Variants in RANBP10 observed in about 807,000 individuals in gnomAD.
RANBP10 encodes the protein ran-binding protein 10.
RANBP10 carries 24 observed loss-of-function variants against 72.8 expected under a neutral mutation model. That is an observed-to-expected ratio of 0.33 (90% CI 0.24 to 0.46). The LOEUF (loss-of-function observed/expected upper bound fraction) is 0.46, where lower values mean the gene tolerates loss of function less well. Among genes scored for constraint, RANBP10 ranks in the 20% least tolerant of loss-of-function variants. The pLI is 1.00. For synonymous variants in RANBP10, 310 were observed against 322.3 expected, an observed-to-expected ratio of 0.96 and a Z score of 0.41; for missense variants, 679 against 817.5, an observed-to-expected ratio of 0.83 and a Z score of 2.07.
At chr16:67,742,001 G>A (rs1019906581) in intron 4 of RANBP10, among the ~76,000 whole-genome samples, 8 of 151,652 alleles carry the variant, frequency 5.3e-5, no homozygotes, top group Admixed American at 2.0e-4. Flanking sequence ...GCCATATCCC[G>A]TTTTCAGTAA....
intron 6 of RANBP10, among the ~76,000 whole-genome samples, chr16:67,734,198 C>G (rs2053793283): frequency 6.6e-6 from 1 of 152,246 alleles, no homozygotes; most frequent in Admixed American, 6.5e-5. Flanking sequence ...CAGCCCTTCC[C>G]CATGCCCATC....
intron 2 of RANBP10, among the ~76,000 whole-genome samples, chr16:67,797,185 A>G (rs1429813185): frequency 6.6e-6 from 1 of 152,234 alleles, no homozygotes. Context: ...GAAAAGACCA[A>G]AAGTTCCAGA....
intron 3 of RANBP10, among the ~76,000 whole-genome samples, chr16:67,771,717 T>C (rs1317726538): frequency 6.6e-6 from 1 of 152,218 alleles, no homozygotes; most frequent in African/African-American, 2.4e-5. Context: ...AGTACATGCC[T>C]GAGTCTGCTC....
rs144555682 is a variant in RANBP10, at chr16:67,744,909, C to T, written c.401-454G>A. Among the ~76,000 whole-genome samples, 1,453 of 152,230 alleles carry T rather than the reference C, an allele frequency of 9.5e-3. 15 individuals carry two copies. The highest frequency in any genetic ancestry group is 0.014 in the Middle Eastern group (4 of 294). On this transcript the variant is annotated intron_variant, in intron 3 of 13. Transcript: ENST00000317506. ...TGTGATCTCAGCTCACTGCAAGCCC[C>T]GCCTCCCGGGTTCACGCCATTCTCC...
intron 2 of RANBP10, 49 bp downstream of exon 2, chr16:67,805,379 A>G (rs1031404588): frequency 2.0e-6 from 3 of 1,532,238 alleles, no homozygotes; most frequent in African/African-American, 2.7e-5. Context: ...CTCTGACCAC[A>G]GGGATCAGCT....
intron 2 of RANBP10, among the ~76,000 whole-genome samples, chr16:67,787,619 G>C (rs1223477284): frequency 6.6e-6 from 1 of 152,170 alleles, no homozygotes; most frequent in East Asian, 1.9e-4. Flanking sequence ...AAAGGTGAAA[G>C]CAACCTAAGC....
intron 2 of RANBP10, among the ~76,000 whole-genome samples, chr16:67,775,324 A>T (rs895805505): frequency 3.9e-5 from 6 of 152,132 alleles, no homozygotes; most frequent in South Asian, 2.1e-4. Context: ...AAATAAATTT[A>T]AAAAAACCCC....
chr16:67,726,250 G>A lies in RANBP10; in HGVS notation c.*178C>T. ...TGAAGGGGAGAGAGAGAGAGACTGA[G>A]CGGGGTGGTGGGCAGAGAAAGGAAG... On this transcript the variant is annotated 3_prime_UTR_variant, in exon 14 of 14. Transcript: ENST00000317506. 1.1e-6 allele frequency: 1 copy of A among 875,700 alleles called. No homozygotes were observed. 54.2% of individuals were successfully genotyped at this position (875,700 alleles called of 1,614,324 possible).
At chr16:67,798,889 T>C (rs950547093) in intron 2 of RANBP10, among the ~76,000 whole-genome samples, 1 of 152,114 alleles carries the variant, frequency 6.6e-6, no homozygotes, top group Non-Finnish European at 1.5e-5. Context: ...GCCCTCAAGA[T>C]ACAGCCCACG....
intron 2 of RANBP10, among the ~76,000 whole-genome samples, chr16:67,785,599 A>G (rs897332513): frequency 4.0e-5 from 6 of 151,356 alleles, no homozygotes; most frequent in African/African-American, 1.2e-4. Flanking sequence ...ATGGTGGTCC[A>G]TGCCTGTAAT....
intron 2 of RANBP10, among the ~76,000 whole-genome samples, chr16:67,784,818 TAAA>T (rs1174073904): frequency 8.3e-6 from 1 of 120,780 alleles, no homozygotes. Context: ...AAACTCCATC[TAAA>T]AAAAAAAAAG....
At chr16:67,803,650 CAAAAAAAA>C (rs1184321273) in intron 2 of RANBP10, among the ~76,000 whole-genome samples, 2 of 47,096 alleles carry the variant, frequency 4.2e-5, no homozygotes, top group African/African-American at 6.5e-5. Flanking sequence ...AACTCCGTCT[CAAAAAAAA>C]AAAAAAAAAA....
chr16:67,727,903 C>T lies in RANBP10; in HGVS notation c.1475-7G>A. ...CGCCGAGGATGCCTGTCATCTGCAT[C>T]CAGAACCCAGTGGAGAACGTGTTAG... On this transcript the variant is annotated splice_polypyrimidine_tract_variant and splice_region_variant and intron_variant, in intron 11 of 13. Coordinates refer to ENST00000317506, the MANE Select transcript of RANBP10 (RefSeq NM_020850.3). 1.2e-6 allele frequency: 2 copies of T among 1,613,766 alleles called. No homozygotes were observed. Among genetic ancestry groups the T allele is most frequent in the South Asian group, 1.1e-5 (1 of 91,084 alleles).
intron 6 of RANBP10, among the ~76,000 whole-genome samples, chr16:67,733,997 G>C (rs543611140): frequency 3.0e-4 from 45 of 152,170 alleles, no homozygotes; most frequent in Non-Finnish European, 4.3e-4. Context: ...CTGGGGGGCT[G>C]TGAACAAGAG....
At chr16:67,736,015 C>T (rs1462662832) in intron 5 of RANBP10, among the ~76,000 whole-genome samples, 1 of 152,080 alleles carries the variant, frequency 6.6e-6, no homozygotes, top group African/African-American at 2.4e-5. Flanking sequence ...TTCGGTCCCT[C>T]CCTCACTTGG....
At chr16:67,732,389 T>C (rs1445804845) in intron 6 of RANBP10, among the ~76,000 whole-genome samples, 2 of 152,116 alleles carry the variant, frequency 1.3e-5, no homozygotes, top group Admixed American at 6.6e-5. Context: ...AACCCTCAAA[T>C]CTGATGTGTA....
intron 2 of RANBP10, among the ~76,000 whole-genome samples, chr16:67,780,647 C>A (rs562196893): frequency 6.6e-6 from 1 of 152,282 alleles, no homozygotes; most frequent in South Asian, 2.1e-4. Flanking sequence ...ATTGAAGAAC[C>A]AAAACTGGAC....
At chr16:67,737,892 G>A (rs758873839) in intron 5 of RANBP10, 121 bp downstream of exon 5, 119 of 1,310,322 alleles carry the variant, frequency 9.1e-5, no homozygotes, top group Non-Finnish European at 1.2e-4. Flanking sequence ...TGACAGCATG[G>A]CACACATCCC....
intron 4 of RANBP10, among the ~76,000 whole-genome samples, chr16:67,740,098 C>CTTT (rs892700613): frequency 4.6e-5 from 6 of 131,272 alleles, no homozygotes; most frequent in Admixed American, 7.6e-5. Context: ...CAGGTTCACA[C>CTTT]TTTTTTTTTT....
Sources: allele counts gnomAD v4.1 joint callset (sites outside exome capture counted in the v4.1 genomes callset), GRCh38; gene constraint gnomAD v4.1.1; transcripts MANE v1.5; gene names NCBI Gene and HGNC (gene_info 2026-07-23, HGNC 2026-07-21).